Variants in FTCD observed in about 807,000 individuals in gnomAD.
FTCD encodes the protein formimidoyltransferase cyclodeaminase.
FTCD carries 76 observed loss-of-function variants against 62.9 expected under a neutral mutation model. That is an observed-to-expected ratio of 1.21 (90% CI 1.00 to 1.46). The LOEUF (loss-of-function observed/expected upper bound fraction) is 1.46, where lower values mean the gene tolerates loss of function less well. Among genes scored for constraint, FTCD ranks in the 40% most tolerant of loss-of-function variants. FTCD has a pLI of 0.00. For synonymous variants in FTCD, 397 were observed against 336.9 expected (o/e 1.18, Z -1.95); for missense variants, 845 against 751.3 (o/e 1.12, Z -1.46).
chr21:46,153,455 C>T (rs760058357), intron 2 of FTCD, among the ~76,000 whole-genome samples: 13 of 152,196 alleles, frequency 8.5e-5, no homozygotes, highest in Non-Finnish European at 1.9e-4. Flanking sequence ...CCGGCCACCC[C>T]AACCCCCTCC....
chr21:46,155,392 C>T (rs1399687158), intron 1 of FTCD, 78 bp downstream of exon 1: 1 of 1,227,060 alleles, frequency 8.1e-7, no homozygotes, highest in Non-Finnish European at 1.2e-6. Context: ...AAGCCCACCA[C>T]CTCCTCCATG....
chr21:46,137,021 A>G lies in FTCD; in HGVS notation c.1592T>C (p.Leu531Pro), dbSNP rs1389142705. ...CCGGGTCTCCAAGCAGTCCAGCACC[A>G]GTGCAGCCTGGGTCTTGGCTTCCTG... ...LLQEAKTQAA[L>P]VLDCLETRQE The change falls in exon 14 of 14, where the codon CTG becomes CCG. Residue 531 changes from leucine to proline, a missense_variant. Leu to Pro is a moderately conservative substitution (Grantham distance 98). Transcript: ENST00000397746. The G allele has an allele frequency of 6.2e-7, 1 of 1,613,648 alleles. No homozygotes were observed.
chr21:46,143,032 C>G (rs1243685917), intron 10 of FTCD, among the ~76,000 whole-genome samples: 1 of 152,186 alleles, frequency 6.6e-6, no homozygotes, highest in Non-Finnish European at 1.5e-5. Flanking sequence ...GAAGCCCAGC[C>G]AGCTTCACCT....
rs368925681 is a variant in FTCD at position 46,151,610 on chromosome 21, T to C, written c.584A>G (p.Gln195Arg). ...CAGGTTGAGCGCGATGCGGTGGGCT[T>C]GCTCCTTTGTGCCGAGCAGGTTGAT... is the stretch of plus-strand genomic sequence containing the variant. The part of the protein sequence containing the change: ...FNINLLGTKE[Q>R]AHRIALNLRE... The change falls in exon 5 of 14, where the codon CAA (glutamine) becomes CGA (arginine). Residue 195 changes from glutamine (Q) to arginine (R), a missense_variant. Transcript: ENST00000397746. The C allele has an allele frequency of 6.2e-7, 1 of 1,613,062 alleles. No individual in the cohort carries two copies. The highest frequency in any genetic ancestry group is 8.5e-7 in the Non-Finnish European group (1 of 1,179,964).
intron 10 of FTCD, among the ~76,000 whole-genome samples, chr21:46,141,255 C>T (rs1246246811): frequency 6.6e-6 from 1 of 152,044 alleles, no homozygotes; most frequent in African/African-American, 2.4e-5. Context: ...CCCACTTAAG[C>T]CTCCTGAGTA....
chr21:46,148,662 A>G (rs1601333557), intron 7 of FTCD, among the ~76,000 whole-genome samples: 1 of 152,324 alleles, frequency 6.6e-6, no homozygotes, highest in Admixed American at 6.5e-5. Flanking sequence ...GCACAACTAC[A>G]TCTGGCCACA....
At chr21:46,146,144 C>T in intron 8 of FTCD, 122 bp downstream of exon 8, 1 of 811,980 alleles carries the variant, frequency 1.2e-6, no homozygotes, top group Non-Finnish European at 2.1e-6. Context: ...GCCGAGTAGG[C>T]GCCCAAAGGG....
Position 46,152,898 on chromosome 21 carries a change from C to T in FTCD, c.367+9G>A. 2 of 1,567,830 alleles carry T rather than the reference C, an allele frequency of 1.3e-6. No individual in the cohort carries two copies. The highest frequency in any genetic ancestry group is 1.7e-4 in the Middle Eastern group (1 of 5,976). ...GAGCAGAGTGAGGGGGGCGGGGGGGCACGCTCACCTGGCACGTCCAGCTCC... is the reference window on the plus strand; with the variant it reads ...GAGCAGAGTGAGGGGGGCGGGGGGGTACGCTCACCTGGCACGTCCAGCTCC... On this transcript the variant is annotated intron_variant, in intron 3 of 13. Transcript: ENST00000397746.
Position 46,146,410 on chromosome 21 carries a change from G to T in FTCD, c.907-83C>A, listed in dbSNP as rs928653464. Reference sequence around the variant, plus strand: ...CTCGGAACCCGCGGGTCCCACCCTTGCGGCAGCCGCCCCCTGCCCCGAGCA... The same window carrying T: ...CTCGGAACCCGCGGGTCCCACCCTTTCGGCAGCCGCCCCCTGCCCCGAGCA... On this transcript the variant is annotated intron_variant, in intron 7 of 13. Transcript: ENST00000397746. The T allele has an allele frequency of 6.4e-6, 6 of 933,278 alleles. No individual in the cohort carries two copies. In the African/African-American group the frequency reaches 9.8e-5, roughly 15 times the overall value. 57.8% of individuals were successfully genotyped at this position (933,278 alleles called of 1,614,324 possible).
intron 10 of FTCD, among the ~76,000 whole-genome samples, chr21:46,140,616 G>A (rs1487296819): frequency 2.8e-5 from 2 of 71,802 alleles, no homozygotes; most frequent in African/African-American, 9.9e-5. Context: ...GCACTCCCCC[G>A]TCCACCTTCA....
intron 10 of FTCD, among the ~76,000 whole-genome samples, chr21:46,140,391 G>C (rs1433781055): frequency 1.4e-5 from 2 of 143,934 alleles, no homozygotes; most frequent in East Asian, 2.0e-4. Context: ...CTCACAGGGA[G>C]TGTAAACCAA....
Position 46,151,750 on chromosome 21 carries a change from T to A in FTCD, c.457-13A>T. On this transcript the variant is annotated splice_polypyrimidine_tract_variant and intron_variant, in intron 4 of 13. Coordinates refer to ENST00000397746, the MANE Select transcript of FTCD (RefSeq NM_206965.2). ...CGGCCTGCTGGAGCTGTGAGCAAGT[T>A]CGCTCTGGGGTGAGACATCCCCCAC... is the stretch of plus-strand genomic sequence containing the variant. 1 of 1,612,430 alleles carries A rather than the reference T, an allele frequency of 6.2e-7. No homozygotes were observed. Among genetic ancestry groups the A allele is most frequent in the Admixed American group, 1.7e-5 (1 of 60,024 alleles).
At chr21:46,145,670 G>A in intron 9 of FTCD, 92 bp from the exon 10 acceptor site, 1 of 783,804 alleles carries the variant, frequency 1.3e-6, no homozygotes, top group Admixed American at 5.0e-5. Context: ...ATCCCTGCGG[G>A]GGTCCCACCC....
At chr21:46,154,406 C>T (rs867792616) in intron 1 of FTCD, 74 bp from the exon 2 acceptor site, 1 of 1,496,310 alleles carries the variant, frequency 6.7e-7, no homozygotes, top group Non-Finnish European at 9.0e-7. Context: ...GAGGTGGCTG[C>T]ACCCCGAGAC....
intron 5 of FTCD, 135 bp downstream of exon 5, chr21:46,151,423 C>G: frequency 1.3e-6 from 1 of 795,970 alleles, no homozygotes; most frequent in Non-Finnish European, 2.1e-6. Flanking sequence ...GAGGCTGGGC[C>G]GGTCTGCAGG....
intron 10 of FTCD, among the ~76,000 whole-genome samples, chr21:46,141,929 G>A (rs921435880): frequency 6.6e-6 from 1 of 152,164 alleles, no homozygotes; most frequent in African/African-American, 2.4e-5. Flanking sequence ...CCCGGGGAGG[G>A]GGGTGCTTCC....
At position 46,145,833 on chromosome 21, in the gene FTCD, C is replaced by T; in HGVS notation, c.1083G>A (p.Ala361=). Residue 361 remains alanine (A), a synonymous_variant, in exon 9 of 14, where the codon GCG becomes GCA. Coordinates refer to ENST00000397746, the MANE Select transcript of FTCD (RefSeq NM_206965.2). ...CCGCGCTCACCATGGCCGCAGCGGC[C>T]GCCGCCACCGAGCCGCCCCCGGGGG... The part of the protein sequence containing the change: ...SAAPGGGSVA[A]AAAAMGAALG... 5.2e-6 allele frequency: 7 copies of T among 1,335,436 alleles called. No individual in the cohort carries two copies. The highest frequency in any genetic ancestry group is 6.8e-6 in the Non-Finnish European group (7 of 1,035,276). 82.7% of individuals were successfully genotyped at this position (1,335,436 alleles called of 1,614,324 possible).
rs374673173 is a variant in FTCD, at chr21:46,136,991, T to A, written c.1622A>T (p.Glu541Val). The A allele has an allele frequency of 1.4e-5, 22 of 1,613,098 alleles. No homozygotes were observed. In the African/African-American group the frequency reaches 2.9e-4, roughly 22 times the overall value. ...CCGGAGAGGCCTCCCGCACCGTCAC[T>A]CCTGCCGGGTCTCCAAGCAGTCCAG... ...LVLDCLETRQE is the reference protein window; with the variant it reads ...LVLDCLETRQV Residue 541 changes from glutamate (E) to valine (V), a missense_variant, in exon 14 of 14, where the codon GAG (glutamate) becomes GTG (valine). Transcript: ENST00000397746.
rs773301482 is a variant in FTCD, at chr21:46,152,933, C to T, written c.341G>A (p.Arg114Lys). 1.9e-6 allele frequency: 3 copies of T among 1,567,002 alleles called. No homozygotes were observed. In the East Asian group the frequency reaches 7.0e-5, roughly 37 times the overall value. ...TGGCACGTCCAGCTCCTCTGCCAGC[C>T]TCTGGCCAAAGGCCTGGGCGCAGAG... The part of the protein sequence containing the change: ...CVLCAQAFGQ[R>K]LAEELDVPVY... Residue 114 changes from arginine to lysine, a missense_variant, in exon 3 of 14, where the codon AGG becomes AAG. Physicochemically the swap from Arg to Lys is conservative, Grantham distance 26. Coordinates refer to ENST00000397746, the MANE Select transcript of FTCD (RefSeq NM_206965.2).
Sources: allele counts gnomAD v4.1 joint callset (sites outside exome capture counted in the v4.1 genomes callset), GRCh38; gene constraint gnomAD v4.1.1; transcripts MANE v1.5; gene names NCBI Gene and HGNC (gene_info 2026-07-23, HGNC 2026-07-21).